The following ATP1B3 variants were observed in gnomAD, a reference collection of about 807,000 sequenced individuals.
The protein encoded by ATP1B3 is sodium/potassium-transporting ATPase subunit beta-3.
ATP1B3 carries 10 observed loss-of-function variants against 30.2 expected under a neutral mutation model. The observed-to-expected ratio is 0.33, with a 90% CI of 0.20 to 0.56. The LOEUF (loss-of-function observed/expected upper bound fraction) is 0.56. ATP1B3 is among the 20% of genes least tolerant of loss of function. The pLI is 0.90. For missense variants in ATP1B3, 238 were observed against 336.7 expected, an observed-to-expected ratio of 0.71 and a Z score of 2.29; for synonymous variants, 113 against 117.0, an observed-to-expected ratio of 0.97 and a Z score of 0.22.
At chr3:141,904,913 G>T (rs529386163) in intron 2 of ATP1B3, among the ~76,000 whole-genome samples, 1 of 151,894 alleles carries the variant, frequency 6.6e-6, no homozygotes, top group African/African-American at 2.4e-5. Flanking sequence ...GTTTCACCAC[G>T]TTGGCCAGGC....
chr3:141,885,907 AC>A (rs1933821316), intron 1 of ATP1B3, among the ~76,000 whole-genome samples: 2 of 151,312 alleles, frequency 1.3e-5, no homozygotes, highest in Non-Finnish European at 3.0e-5. Context: ...ACACACACAC[AC>A]ACACACACAC....
intron 1 of ATP1B3, among the ~76,000 whole-genome samples, chr3:141,892,770 G>A (rs1258354025): frequency 6.6e-6 from 1 of 151,640 alleles, no homozygotes; most frequent in African/African-American, 2.4e-5. Flanking sequence ...AGGGTGTGTA[G>A]ATTGCAAAGG....
chr3:141,902,333 GC>G (rs1392428110), intron 1 of ATP1B3: 1 of 784,788 alleles, frequency 1.3e-6, no homozygotes, highest in East Asian at 6.4e-5. Context: ...TTCCTGCCTT[GC>G]AGTTGAGAAA....
chr3:141,885,880 AACACACACACACACACACACACACAC>A (rs146684460), intron 1 of ATP1B3, among the ~76,000 whole-genome samples: 3 of 141,744 alleles, frequency 2.1e-5, no homozygotes, highest in Admixed American at 7.1e-5. Flanking sequence ...GCTGCGTTAA[AACACACACACACACACACACACACAC>A]ACACACACAC....
chr3:141,878,756 A>G (rs1407963471), intron 1 of ATP1B3, among the ~76,000 whole-genome samples: 1 of 152,180 alleles, frequency 6.6e-6, no homozygotes, highest in Non-Finnish European at 1.5e-5. Context: ...GATAAGTATT[A>G]CTCTTATCAG....
intron 5 of ATP1B3, chr3:141,916,533 C>G (rs1280828506): frequency 1.6e-6 from 2 of 1,286,926 alleles, no homozygotes; most frequent in Non-Finnish European, 1.0e-6. Context: ...TGTTTTCTCT[C>G]CATGCTGCAA....
chr3:141,901,637 G>A (rs1934164715), intron 1 of ATP1B3, among the ~76,000 whole-genome samples: 1 of 152,054 alleles, frequency 6.6e-6, no homozygotes, highest in Non-Finnish European at 1.5e-5. Flanking sequence ...TATTTTCATT[G>A]TGTAATAGTT....
chr3:141,922,495 A>T (rs543315207), intron 6 of ATP1B3, among the ~76,000 whole-genome samples: 1 of 151,972 alleles, frequency 6.6e-6, no homozygotes, highest in African/African-American at 2.4e-5. Flanking sequence ...TCTACTAAAA[A>T]TACAAAAATT....
chr3:141,892,367 A>T (rs1300346607), intron 1 of ATP1B3, among the ~76,000 whole-genome samples: 1 of 152,234 alleles, frequency 6.6e-6, no homozygotes, highest in South Asian at 2.1e-4. Flanking sequence ...TATTTCAACC[A>T]TTGGTGTTTA....
At chr3:141,916,961 C>T (rs1364129442) in intron 5 of ATP1B3, among the ~76,000 whole-genome samples, 5 of 151,602 alleles carry the variant, frequency 3.3e-5, no homozygotes, top group Admixed American at 1.3e-4. Flanking sequence ...CCCGGGTTCA[C>T]GCGGTTCTCC....
At chr3:141,878,393 A>C (rs1933647934) in intron 1 of ATP1B3, among the ~76,000 whole-genome samples, 1 of 152,236 alleles carries the variant, frequency 6.6e-6, no homozygotes, top group African/African-American at 2.4e-5. Context: ...ACATTTATAA[A>C]GCTTAATTGC....
chr3:141,919,989 G>C (rs1286039075), intron 5 of ATP1B3, among the ~76,000 whole-genome samples: 4 of 152,036 alleles, frequency 2.6e-5, no homozygotes, highest in Non-Finnish European at 4.4e-5. Flanking sequence ...TGACATACAT[G>C]CTTCACCCTG....
chr3:141,883,716 T>C (rs956908108), intron 1 of ATP1B3, among the ~76,000 whole-genome samples: 2 of 152,198 alleles, frequency 1.3e-5, no homozygotes, highest in African/African-American at 4.8e-5. Context: ...GTACTATGAA[T>C]GTTTCCATGA....
chr3:141,889,768 CA>C (rs1933905610), intron 1 of ATP1B3, among the ~76,000 whole-genome samples: 1 of 119,742 alleles, frequency 8.4e-6, no homozygotes, highest in Non-Finnish European at 1.7e-5. Flanking sequence ...CACACACACA[CA>C]CACACACACA....
At chr3:141,903,594 T>C (rs1330294703) in intron 1 of ATP1B3, 26 bp from the exon 2 acceptor site, 2 of 1,611,794 alleles carry the variant, frequency 1.2e-6, no homozygotes, top group East Asian at 4.5e-5. Flanking sequence ...ACGTGCACAT[T>C]TCATAAGTTT....
In ATP1B3 at chr3:141,894,337, T is replaced by A. The variant is rs187854616; in HGVS notation, c.110-9283T>A. On this transcript the variant is annotated intron_variant, in intron 1 of 6. Coordinates refer to ENST00000286371, the MANE Select transcript of ATP1B3 (RefSeq NM_001679.4). ...TGTAACTTTTTACAATTTTTTTTTTTAATTGAGATGGGGTCTTGCTATGTT... is the reference window on the plus strand; with the variant it reads ...TGTAACTTTTTACAATTTTTTTTTTAAATTGAGATGGGGTCTTGCTATGTT... 8.8e-3 allele frequency among the ~76,000 whole-genome samples: 1,334 copies of A among 150,944 alleles called. 23 individuals are homozygous for A. Among genetic ancestry groups the A allele is most frequent in the African/African-American group, 0.03 (1,255 of 41,212 alleles).
At chr3:141,890,110 A>G (rs1198637691) in intron 1 of ATP1B3, among the ~76,000 whole-genome samples, 10 of 69,172 alleles carry the variant, frequency 1.4e-4, no homozygotes, top group Non-Finnish European at 2.2e-4. Flanking sequence ...TTTTTTTTTG[A>G]GACAGAGTGT....
At chr3:141,918,342 C>A (rs1934505690) in intron 5 of ATP1B3, 1 of 152,216 alleles carries the variant, frequency 6.6e-6, no homozygotes, top group Non-Finnish European at 1.5e-5. Flanking sequence ...AGTGCTGGGT[C>A]TACAAAGCCA....
At chr3:141,906,691 G>T (rs1354778624) in intron 2 of ATP1B3, among the ~76,000 whole-genome samples, 3 of 152,152 alleles carry the variant, frequency 2.0e-5, no homozygotes, top group African/African-American at 7.2e-5. Flanking sequence ...AAGAATATTT[G>T]CCATAAAGTT....
Sources: gnomAD v4.1 joint callset for allele counts (sites outside exome capture counted in the v4.1 genomes callset) on GRCh38, gnomAD v4.1.1 for gene constraint, MANE v1.5 for transcripts, NCBI Gene and HGNC (gene_info 2026-07-23, HGNC 2026-07-21) for gene names.